FIRRM: variants seen among roughly 807,000 people sequenced by gnomAD.
FIRRM encodes FIGNL1-interacting regulator of recombination and mitosis.
At chr1:169,837,747 A>C in the FIRRM span, among the ~76,000 whole-genome samples, 1 of 152,220 alleles carries the variant, frequency 6.6e-6, no homozygotes, top group Admixed American at 6.5e-5. Context: ...TGAGCTTAGC[A>C]GTGGACAGTA....
chr1:169,801,942 T>TA, the FIRRM span, among the ~76,000 whole-genome samples: 3 of 152,184 alleles, frequency 2.0e-5, no homozygotes, highest in Non-Finnish European at 4.4e-5. Context: ...ATTCAACTGT[T>TA]ACATAGATGA....
chr1:169,790,487 C>T, the FIRRM span, among the ~76,000 whole-genome samples: 4 of 151,980 alleles, frequency 2.6e-5, no homozygotes, highest in African/African-American at 9.7e-5. Context: ...TGCCTGGCCC[C>T]AAATTTATCT....
the FIRRM span, among the ~76,000 whole-genome samples, chr1:169,798,278 C>CT: frequency 0.11 from 15,493 of 141,700 alleles, 1,025 homozygotes; most frequent in Non-Finnish European, 0.16. Context: ...GACCGTCTCT[C>CT]TTTTTTTTTT....
the FIRRM span, among the ~76,000 whole-genome samples, chr1:169,831,347 T>C: frequency 6.6e-6 from 1 of 152,240 alleles, no homozygotes; most frequent in African/African-American, 2.4e-5. Context: ...TTACATATTT[T>C]TTTCCCTGGC....
At chr1:169,812,467 G>T in the FIRRM span, among the ~76,000 whole-genome samples, 1 of 152,198 alleles carries the variant, frequency 6.6e-6, no homozygotes, top group Non-Finnish European at 1.5e-5. Flanking sequence ...GTTTCTTATG[G>T]TGATATGATG....
chr1:169,807,814 T>C, the FIRRM span: 1 of 1,603,124 alleles, frequency 6.2e-7, no homozygotes, highest in African/African-American at 1.3e-5. Flanking sequence ...CACCAGTCCA[T>C]AATAAAAAGC....
the FIRRM span, chr1:169,793,929 A>T: frequency 1.3e-5 from 5 of 393,594 alleles, no homozygotes; most frequent in African/African-American, 1.0e-4. Context: ...AAAGAAAGAA[A>T]ATGATGATTA....
At chr1:169,815,295 CAA>C in the FIRRM span, among the ~76,000 whole-genome samples, 15 of 110,440 alleles carry the variant, frequency 1.4e-4, no homozygotes, top group Non-Finnish European at 1.1e-4. Flanking sequence ...GACTCTGTCT[CAA>C]AAAAAAAAAA....
chr1:169,832,517 A>ATATC, the FIRRM span: 1 of 1,596,044 alleles, frequency 6.3e-7, no homozygotes, highest in East Asian at 2.2e-5. Flanking sequence ...GCAAGGAAGG[A>ATATC]TATCATCTTT....
At chr1:169,802,757 G>A in the FIRRM span, 6 of 1,384,536 alleles carry the variant, frequency 4.3e-6, no homozygotes, top group Admixed American at 1.8e-5. Context: ...GCAGGAGAGA[G>A]AGGGAGCTTA....
chr1:169,815,988 G>A, the FIRRM span, among the ~76,000 whole-genome samples: 1 of 152,124 alleles, frequency 6.6e-6, no homozygotes, highest in Admixed American at 6.5e-5. Flanking sequence ...GAAAGTGTCA[G>A]TATGATGAGG....
At chr1:169,829,194 A>G in the FIRRM span, 3 of 1,299,694 alleles carry the variant, frequency 2.3e-6, no homozygotes, top group Non-Finnish European at 3.1e-6. Flanking sequence ...CATGTTACAT[A>G]TTATTATTAT....
the FIRRM span, among the ~76,000 whole-genome samples, chr1:169,836,675 T>C: frequency 1.3e-5 from 2 of 152,208 alleles, no homozygotes; most frequent in Non-Finnish European, 2.9e-5. Context: ...TGAAATACAT[T>C]ATTTAATGTC....
At chr1:169,818,485 T>G in the FIRRM span, among the ~76,000 whole-genome samples, 2 of 152,228 alleles carry the variant, frequency 1.3e-5, no homozygotes, top group South Asian at 4.1e-4. Flanking sequence ...TTACCAATAA[T>G]CTTTAAAACT....
chr1:169,832,489 A>T, the FIRRM span: 1 of 1,612,786 alleles, frequency 6.2e-7, no homozygotes, highest in Non-Finnish European at 8.5e-7. Flanking sequence ...CTTTTTCTTC[A>T]TGGCACCACC....
the FIRRM span, among the ~76,000 whole-genome samples, chr1:169,820,064 A>G: frequency 6.6e-6 from 1 of 152,240 alleles, no homozygotes; most frequent in African/African-American, 2.4e-5. Flanking sequence ...TCTGGATGGT[A>G]GAGACAAAGA....
At chr1:169,846,675 A>G in the FIRRM span, among the ~76,000 whole-genome samples, 1 of 152,294 alleles carries the variant, frequency 6.6e-6, no homozygotes, top group East Asian at 1.9e-4. Context: ...TTCAGCTCTC[A>G]GCTTTCACAG....
At chr1:169,852,129 A>G in the FIRRM span, 1 of 682,042 alleles carries the variant, frequency 1.5e-6, no homozygotes, top group Non-Finnish European at 2.5e-6. Context: ...TATCAAATAT[A>G]TTCTTTCAGT....
chr1:169,829,378 T>G, the FIRRM span: 1 of 1,613,928 alleles, frequency 6.2e-7, no homozygotes, highest in Non-Finnish European at 8.5e-7. Context: ...GGCTGTCACC[T>G]TGTATCAGCA....
Sources: allele counts gnomAD v4.1 joint callset (sites outside exome capture counted in the v4.1 genomes callset), GRCh38; gene constraint gnomAD v4.1.1; transcripts MANE v1.5; gene names NCBI Gene and HGNC (gene_info 2026-07-23, HGNC 2026-07-21).